The following PDE6A variants were observed in gnomAD, a reference collection of about 807,000 sequenced individuals.
PDE6A encodes rod cGMP-specific 3',5'-cyclic phosphodiesterase subunit alpha.
A neutral mutation model predicts 106.3 loss-of-function variants in PDE6A; 84 were observed. The ratio of observed to expected loss-of-function variants is 0.79; its 90% CI spans 0.66 to 0.95. PDE6A has a LOEUF of 0.95. Ranked by LOEUF, PDE6A falls within the 40% of genes least tolerant of loss-of-function variation. The pLI, the probability that PDE6A is intolerant of heterozygous loss-of-function variation, is 0.00. For missense variants in PDE6A, 1,052 were observed against 1,084.9 expected, an observed-to-expected ratio of 0.97 and a Z score of 0.43; for synonymous variants, 394 against 386.6, an observed-to-expected ratio of 1.02 and a Z score of -0.23.
At position 149,860,938 on chromosome 5, in the gene PDE6A, C is replaced by G; in HGVS notation, c.2540G>C (p.Ser847Thr). The G allele has an allele frequency of 6.2e-7, 1 of 1,614,216 alleles. No individual in the cohort carries two copies. The highest frequency in any genetic ancestry group is 8.5e-7 in the Non-Finnish European group (1 of 1,180,038). The change falls in exon 22 of 22, where the codon AGC becomes ACC. Residue 847 changes from serine (S) to threonine (T), a missense_variant. Ser to Thr is a moderately conservative substitution (Grantham distance 58). Coordinates refer to ENST00000255266, the MANE Select transcript of PDE6A (RefSeq NM_000440.3). ...CTTGGATGTAGTTGCACCCCCTGGG[C>G]TGGGGTTTCCCCCCGGCTGATTTCC... ...AAGNQPGGNP[S>T]PGGATTSKSC...
chr5:149,889,090 A>AAAAAAAAAAAAAAAAAAAAAAAAAAAT, intron 13 of PDE6A, among the ~76,000 whole-genome samples: 1 of 150,622 alleles, frequency 6.6e-6, no homozygotes, highest in Non-Finnish European at 1.5e-5. Context: ...TCAAAAAAAA[A>AAAAAAAAAAAAAAAAAAAAAAAAAAAT]AAAAAAAAGA....
chr5:149,933,328 T>A (rs1754096724), intron 3 of PDE6A, among the ~76,000 whole-genome samples: 2 of 152,234 alleles, frequency 1.3e-5, no homozygotes, highest in African/African-American at 4.8e-5. Context: ...TCTTACTATG[T>A]TTCCCAGGCT....
intron 6 of PDE6A, among the ~76,000 whole-genome samples, chr5:149,914,075 GT>G (rs1246848463): frequency 6.6e-6 from 1 of 152,166 alleles, no homozygotes; most frequent in African/African-American, 2.4e-5. Flanking sequence ...GCAGAAAACA[GT>G]TGAAAATCCC....
At chr5:149,874,323 G>T (rs1490033672) in intron 17 of PDE6A, among the ~76,000 whole-genome samples, 1 of 152,186 alleles carries the variant, frequency 6.6e-6, no homozygotes, top group Admixed American at 6.5e-5. Flanking sequence ...TGGCAACAAA[G>T]TTGAAATGTG....
intron 7 of PDE6A, among the ~76,000 whole-genome samples, chr5:149,904,384 T>C (rs1753105240): frequency 6.6e-6 from 1 of 152,204 alleles, no homozygotes; most frequent in Non-Finnish European, 1.5e-5. Flanking sequence ...ATTCCTCTCC[T>C]GAAAATTGAA....
intron 6 of PDE6A, among the ~76,000 whole-genome samples, chr5:149,910,820 T>C (rs534928030): frequency 6.6e-6 from 1 of 151,006 alleles, no homozygotes; most frequent in South Asian, 2.1e-4. Context: ...TCTGACCTTC[T>C]GAGAAATCAG....
At position 149,920,996 on chromosome 5, in the gene PDE6A, A is replaced by AAGAAAGAAAGAAAGAAAGAAAGAG. The variant is rs1554091222; in HGVS notation, c.933+638_933+639insCTCTTTCTTTCTTTCTTTCTTTCT. 2.5e-4 allele frequency among the ~76,000 whole-genome samples: 23 copies of AAGAAAGAAAGAAAGAAAGAAAGAG among 91,660 alleles called. 1 individual carries two copies. The highest frequency in any genetic ancestry group is 5.1e-4 in the African/African-American group (16 of 31,092). 60.1% of individuals were successfully genotyped at this position (91,660 alleles called of 152,430 possible). A position where few individuals can be genotyped will look rare whatever the true frequency, so the allele number is the denominator to read the frequency against. ...AAAGAAAGAAAGAAAGAAAGAAAGA[A>AAGAAAGAAAGAAAGAAAGAAAGAG]AAAGAAAGAAAATAGAAAACCTACG... On this transcript the variant is annotated intron_variant, in intron 5 of 21. Coordinates refer to ENST00000255266, the MANE Select transcript of PDE6A (RefSeq NM_000440.3).
intron 5 of PDE6A, among the ~76,000 whole-genome samples, chr5:149,918,599 T>C (rs879560672): frequency 3.9e-5 from 6 of 152,086 alleles, no homozygotes; most frequent in Admixed American, 2.6e-4. Flanking sequence ...ATATTTTTTA[T>C]TTTGCTTTAT....
intron 17 of PDE6A, among the ~76,000 whole-genome samples, chr5:149,870,630 G>A (rs1234180417): frequency 6.6e-6 from 1 of 152,018 alleles, no homozygotes; most frequent in South Asian, 2.1e-4. Context: ...AAGCCAATTC[G>A]AGACTTGTGC....
In PDE6A at chr5:149,898,314, T is replaced by G. The variant is rs764700242; in HGVS notation, c.1407+49A>C. The G allele has an allele frequency of 7.5e-6, 12 of 1,592,046 alleles. No individual in the cohort carries two copies. The African/African-American group carries it at 1.6e-4, about 21-fold the overall frequency. The stretch of plus-strand genomic sequence containing the variant: ...TTTTGCCTTAATCTGGCCACATCTC[T>G]GAGACGCAGTCTGTATTAGAGTAGA... On this transcript the variant is annotated intron_variant, in intron 10 of 21. Coordinates refer to ENST00000255266, the MANE Select transcript of PDE6A (RefSeq NM_000440.3).
intron 4 of PDE6A, among the ~76,000 whole-genome samples, chr5:149,929,609 A>AAAATAAAT (rs370987088): frequency 0.15 from 22,289 of 145,234 alleles, 1,850 homozygotes; most frequent in Non-Finnish European, 0.18. Context: ...TCCGTCTCAA[A>AAAATAAAT]AAATAAATAA....
intron 1 of PDE6A, 61 bp from the exon 2 acceptor site, chr5:149,934,779 C>T: frequency 6.4e-7 from 1 of 1,551,578 alleles, no homozygotes; most frequent in Non-Finnish European, 8.9e-7. Context: ...GTGGAACGGC[C>T]CAAAGCCCCT....
At chr5:149,907,502 C>T (rs919489194) in intron 6 of PDE6A, 124 bp from the exon 7 acceptor site, 16 of 747,304 alleles carry the variant, frequency 2.1e-5, no homozygotes, top group East Asian at 1.0e-4. Context: ...ACATTCACTA[C>T]ACCTGACCAA....
chr5:149,934,817 T>C, intron 1 of PDE6A, 99 bp from the exon 2 acceptor site: 6 of 1,153,980 alleles, frequency 5.2e-6, no homozygotes, highest in Middle Eastern at 2.8e-4. Flanking sequence ...GGTGCTTCCA[T>C]CTATTCCTCT....
At chr5:149,906,534 A>AAAAAAAAAAAAAAAAAAAAAAAAAAAC (rs1753194915) in intron 7 of PDE6A, among the ~76,000 whole-genome samples, 4 of 149,022 alleles carry the variant, frequency 2.7e-5, no homozygotes, top group Admixed American at 6.7e-5. Flanking sequence ...AAAAAAAAAA[A>AAAAAAAAAAAAAAAAAAAAAAAAAAAC]AAAATCCCAC....
At chr5:149,885,514 G>A (rs1339087479) in intron 14 of PDE6A, among the ~76,000 whole-genome samples, 1 of 152,226 alleles carries the variant, frequency 6.6e-6, no homozygotes, top group African/African-American at 2.4e-5. Flanking sequence ...GACAGGAGCT[G>A]TTTTGCTCAT....
At chr5:149,865,239 CAA>C (rs368494356) in intron 20 of PDE6A, among the ~76,000 whole-genome samples, 8,386 of 105,452 alleles carry the variant, frequency 0.08, 348 homozygotes, top group African/African-American at 0.15. Flanking sequence ...GATTCTGTCT[CAA>C]AAAAAAAAAA....
chr5:149,866,218 A>G lies in PDE6A; in HGVS notation c.2310T>C (p.Pro770=), dbSNP rs1376891006. Residue 770 remains proline (P), a synonymous_variant, in exon 20 of 22, where the codon CCT becomes CCC. Coordinates refer to ENST00000255266, the MANE Select transcript of PDE6A (RefSeq NM_000440.3). ...MMDRNKADEL[P]KLQVGFIDFV... ...AGTCAATGAAGCCGACTTGAAGCTT[A>G]GGGAGTTCATCTGCTTTGTTTCTGT... The G allele has an allele frequency of 2.5e-6, 4 of 1,614,076 alleles. No homozygotes were observed. In the Admixed American group the frequency reaches 5.0e-5, roughly 20 times the overall value.
chr5:149,939,046 G>A (rs1754260059), intron 1 of PDE6A, among the ~76,000 whole-genome samples: 1 of 152,106 alleles, frequency 6.6e-6, no homozygotes, highest in African/African-American at 2.4e-5. Context: ...GGTGGCGAAG[G>A]TTGCATTCTG....
Sources: allele counts gnomAD v4.1 joint callset (sites outside exome capture counted in the v4.1 genomes callset), GRCh38; gene constraint gnomAD v4.1.1; transcripts MANE v1.5; gene names NCBI Gene and HGNC (gene_info 2026-07-23, HGNC 2026-07-21).